COL4A6: variants seen among roughly 807,000 people sequenced by gnomAD.
The protein encoded by COL4A6 is collagen alpha-6(IV) chain.
In COL4A6, 59 loss-of-function variants were observed where a neutral mutation model predicts 126.7. The observed-to-expected ratio is 0.47, with a 90% CI of 0.38 to 0.58. COL4A6 has a LOEUF of 0.58. Among genes scored for constraint, COL4A6 ranks in the 20% least tolerant of loss-of-function variants. The pLI is 0.00. For missense variants in COL4A6, 1,285 were observed against 1,337.3 expected, an observed-to-expected ratio of 0.96 and a Z score of 0.61; for synonymous variants, 547 against 496.6, an observed-to-expected ratio of 1.10 and a Z score of -1.35.
At chrX:108,273,551 A>G (rs183233986) in intron 3 of COL4A6, among the ~76,000 whole-genome samples, 1 of 112,321 alleles carries the variant, frequency 8.9e-6, no homozygotes, top group African/African-American at 3.2e-5. Context: ...TTGCAGCACT[A>G]CTCACAATAG....
At chrX:108,177,034 A>G (rs747386806) in intron 27 of COL4A6, 23 bp from the exon 28 acceptor site, 2 of 1,193,257 alleles carry the variant, frequency 1.7e-6, no homozygotes, top group East Asian at 3.0e-5. Flanking sequence ...AGGAGAGAAC[A>G]CAGGACAGCT....
chrX:108,281,774 C>T (rs2037838643), intron 3 of COL4A6, among the ~76,000 whole-genome samples: 1 of 110,145 alleles, frequency 9.1e-6, no homozygotes, highest in African/African-American at 3.3e-5. Context: ...ACCAAAACAG[C>T]ATGGCACTGG....
At chrX:108,345,599 G>A (rs1002566834) in intron 2 of COL4A6, among the ~76,000 whole-genome samples, 2 of 111,331 alleles carry the variant, frequency 1.8e-5, no homozygotes, top group African/African-American at 3.3e-5. Flanking sequence ...CAAATTACGC[G>A]CATTTAATGG....
At chrX:108,360,811 C>T (rs140283193) in intron 2 of COL4A6, among the ~76,000 whole-genome samples, 173 of 111,337 alleles carry the variant, frequency 1.6e-3, no homozygotes, top group African/African-American at 5.5e-3. Context: ...GCTGGGATTA[C>T]AGGTGTGAGC....
intron 3 of COL4A6, among the ~76,000 whole-genome samples, chrX:108,296,065 T>G (rs1243656450): frequency 1.8e-5 from 2 of 112,331 alleles, no homozygotes; most frequent in African/African-American, 6.5e-5. Flanking sequence ...GGTTGTGTGC[T>G]TTCTCTAATG....
intron 2 of COL4A6, among the ~76,000 whole-genome samples, chrX:108,406,812 A>G (rs1461492460): frequency 3.6e-5 from 4 of 111,533 alleles, no homozygotes; most frequent in Admixed American, 1.9e-4. Context: ...TATACTTTGT[A>G]TATTTCAATT....
At chrX:108,350,974 T>A (rs1428492763) in intron 2 of COL4A6, among the ~76,000 whole-genome samples, 1 of 111,225 alleles carries the variant, frequency 9.0e-6, no homozygotes, top group Non-Finnish European at 1.9e-5. Flanking sequence ...TTGCTTACGC[T>A]ATAGAGCCTG....
At chrX:108,266,575 T>C (rs1027742164) in intron 3 of COL4A6, among the ~76,000 whole-genome samples, 2 of 111,949 alleles carry the variant, frequency 1.8e-5, no homozygotes, top group African/African-American at 6.5e-5. Context: ...ACATGCCCTA[T>C]GTCTATGCTG....
At chrX:108,188,840 T>C (rs1460586783) in intron 20 of COL4A6, among the ~76,000 whole-genome samples, 163 bp from the exon 21 acceptor site, 1 of 112,249 alleles carries the variant, frequency 8.9e-6, no homozygotes, top group Non-Finnish European at 1.9e-5. Flanking sequence ...GCAGAGTATG[T>C]CTGTGTTAGT....
At position 108,355,622 on chromosome X, in the gene COL4A6, A is replaced by T. The variant is rs2039942712; in HGVS notation, c.64-44794T>A. ...ATTAAGGCAATCACAGGGTGATATG[A>T]CAGAGCCTGGCAGGGAGGGACCTAC... On this transcript the variant is annotated intron_variant, in intron 2 of 44. Coordinates refer to ENST00000334504, the MANE Select transcript of COL4A6 (RefSeq NM_033641.4). Among the ~76,000 whole-genome samples, 3 of 112,070 alleles carry T rather than the reference A, an allele frequency of 2.7e-5. No homozygotes were observed. In the South Asian group the frequency reaches 1.1e-3, roughly 43 times the overall value.
Position 108,385,880 on chromosome X carries a change from C to T in COL4A6, c.63+52062G>A, listed in dbSNP as rs192981125. 3.7e-3 allele frequency among the ~76,000 whole-genome samples: 405 copies of T among 108,785 alleles called. 3 individuals carry two copies. Among genetic ancestry groups the T allele is most frequent in the African/African-American group, 0.013 (377 of 29,768 alleles). The allele number at this position is 108,785 out of a possible 115,157, so 94.5% of individuals were successfully genotyped here. A position where few individuals can be genotyped will look rare whatever the true frequency, so the allele number is the denominator to read the frequency against. ...TATCTCTCCCCTAGACCCCTACCCC[C>T]CCAAAAGGCCCCAGTGTGTGATGTT... On this transcript the variant is annotated intron_variant, in intron 2 of 44. Transcript: ENST00000334504.
intron 12 of COL4A6, among the ~76,000 whole-genome samples, chrX:108,204,060 C>A (rs1746225377): frequency 9.0e-6 from 1 of 111,306 alleles, no homozygotes; most frequent in South Asian, 3.8e-4. Context: ...AACACTAAAA[C>A]AGAGAAAATA....
intron 2 of COL4A6, among the ~76,000 whole-genome samples, chrX:108,408,379 A>G (rs1157786220): frequency 1.8e-5 from 2 of 111,190 alleles, no homozygotes; most frequent in African/African-American, 6.6e-5. Context: ...GAAAGAAAGA[A>G]AGAAAGCAAG....
chrX:108,220,567 T>C (rs1228079713), intron 4 of COL4A6, among the ~76,000 whole-genome samples: 1 of 112,066 alleles, frequency 8.9e-6, no homozygotes, highest in Admixed American at 9.4e-5. Context: ...CCTATATTTG[T>C]GGCCTAGATT....
At chrX:108,357,148 C>A (rs1308486799) in intron 2 of COL4A6, among the ~76,000 whole-genome samples, 1 of 111,555 alleles carries the variant, frequency 9.0e-6, no homozygotes, top group African/African-American at 3.3e-5. Context: ...ATAGATAATT[C>A]ACTCAGTGAA....
intron 2 of COL4A6, among the ~76,000 whole-genome samples, chrX:108,385,841 A>T (rs1395116551): frequency 1.8e-5 from 2 of 109,498 alleles, no homozygotes; most frequent in Non-Finnish European, 3.8e-5. Flanking sequence ...TACATTAGGT[A>T]TTTCTCCTAA....
At chrX:108,375,230 A>C (rs1295644628) in intron 2 of COL4A6, among the ~76,000 whole-genome samples, 3 of 111,769 alleles carry the variant, frequency 2.7e-5, no homozygotes, top group Non-Finnish European at 5.6e-5. Flanking sequence ...GATGGTGCTT[A>C]TCTCAGGAAT....
At chrX:108,202,538 C>T (rs1205196849) in intron 13 of COL4A6, among the ~76,000 whole-genome samples, 2 of 111,809 alleles carry the variant, frequency 1.8e-5, no homozygotes, top group African/African-American at 6.5e-5. Flanking sequence ...GTAGTAAGCC[C>T]TTTTCATGCA....
At chrX:108,281,635 G>A (rs1191161861) in intron 3 of COL4A6, among the ~76,000 whole-genome samples, 2 of 111,199 alleles carry the variant, frequency 1.8e-5, no homozygotes, top group Non-Finnish European at 3.8e-5. Context: ...CACAGAATTG[G>A]AAAAAACTAC....
Sources: allele counts gnomAD v4.1 joint callset (sites outside exome capture counted in the v4.1 genomes callset), GRCh38; gene constraint gnomAD v4.1.1; transcripts MANE v1.5; gene names NCBI Gene and HGNC (gene_info 2026-07-23, HGNC 2026-07-21).